ARMC5: variants seen among roughly 807,000 people sequenced by gnomAD.
The protein encoded by ARMC5 is armadillo repeat containing 5, also known as armadillo repeat-containing protein 5.
A neutral mutation model predicts 60.5 loss-of-function variants in ARMC5; 28 were observed. The observed-to-expected ratio is 0.46, with a 90% CI of 0.34 to 0.63. The LOEUF is 0.63. Among genes scored for constraint, ARMC5 ranks in the 30% least tolerant of loss-of-function variants. The pLI, the probability that ARMC5 is intolerant of heterozygous loss-of-function variation, is 0.01. For synonymous variants in ARMC5, 680 were observed against 607.3 expected (o/e 1.12, Z -1.76); for missense variants, 1,189 against 1,304.9 (o/e 0.91, Z 1.37).
intron 1 of ARMC5, among the ~76,000 whole-genome samples, chr16:31,460,540 A>G (rs2082295557): frequency 1.3e-5 from 2 of 152,260 alleles, no homozygotes; most frequent in Admixed American, 1.3e-4. Flanking sequence ...ATATGCAAAT[A>G]TTCTAAGCAT....
At position 31,459,704 on chromosome 16, in the gene ARMC5, C is replaced by T. The variant is rs1205941606; in HGVS notation, c.180C>T (p.Arg60=). Residue 60 remains arginine (R), a synonymous_variant, in exon 1 of 6, where the codon CGC becomes CGT. Coordinates refer to ENST00000268314, the MANE Select transcript of ARMC5 (RefSeq NM_001105247.2). The part of the protein sequence containing the change: ...RHIKAAGGIE[R]FRARGGLRPL... ...TCAAGGCAGCGGGGGGAATCGAGCGCTTCCGGGCACGCGGCGGGCTCCGCC... is the reference window on the plus strand; with the variant it reads ...TCAAGGCAGCGGGGGGAATCGAGCGTTTCCGGGCACGCGGCGGGCTCCGCC... The T allele has an allele frequency of 2.6e-6, 4 of 1,565,414 alleles. No homozygotes were observed. Among genetic ancestry groups the T allele is most frequent in the East Asian group, 2.4e-5 (1 of 42,538 alleles).
chr16:31,461,124 G>A (rs982257132), intron 1 of ARMC5, among the ~76,000 whole-genome samples: 8 of 152,128 alleles, frequency 5.3e-5, no homozygotes, highest in African/African-American at 1.9e-4. Flanking sequence ...CTTCCATTGT[G>A]TGCCCAGAGA....
upstream of ARMC5, chr16:31,458,960 G>A: frequency 6.5e-7 from 1 of 1,535,626 alleles, no homozygotes; most frequent in East Asian, 2.4e-5. Flanking sequence ...TCTAGGAAGC[G>A]GCAGCGAACG....
rs778440403 is a variant in ARMC5, at chr16:31,464,931, C to T, written c.1864+44C>T. The T allele has an allele frequency of 6.2e-7, 1 of 1,611,726 alleles. No homozygotes were observed. The highest frequency in any genetic ancestry group is 1.7e-5 in the Admixed American group (1 of 59,944). ...CCGTCTCCTTGCCCCCATGTGAGTC[C>T]CCATCCTCCCCCATGGCTTCCATGG... On this transcript the variant is annotated intron_variant, in intron 4 of 5. Coordinates refer to ENST00000268314, the MANE Select transcript of ARMC5 (RefSeq NM_001105247.2). The surrounding 1 kb of genome is among the most constrained non-coding windows in gnomAD (Gnocchi z 7.6).
chr16:31,463,914 A>G (rs1345393059), intron 3 of ARMC5, among the ~76,000 whole-genome samples: 2 of 152,148 alleles, frequency 1.3e-5, no homozygotes, highest in African/African-American at 4.8e-5. Context: ...TAATTACTGA[A>G]TGAGGTTTTA....
rs535587933 is a variant in ARMC5, at chr16:31,465,956, C to T, written c.1971C>T (p.Cys657=). The T allele has an allele frequency of 1.7e-5, 27 of 1,605,272 alleles. No individual in the cohort carries two copies. The highest frequency in any genetic ancestry group is 1.1e-4 in the South Asian group (10 of 91,060). Residue 657 remains cysteine, a synonymous_variant, in exon 5 of 6, where the codon TGC becomes TGT. Transcript: ENST00000268314. ...LSGSPEDRVA[C]ALTLPFICRK... ...GGAGCCCTGAGGACCGAGTGGCCTG[C>T]GCGCTGACCCTGCCCTTCATCTGCC...
At chr16:31,460,674 TG>T (rs781035454) in intron 1 of ARMC5, among the ~76,000 whole-genome samples, 12 of 152,088 alleles carry the variant, frequency 7.9e-5, no homozygotes, top group Non-Finnish European at 1.6e-4. Flanking sequence ...GAGGCTGCAG[TG>T]AACAATGACT....
At chr16:31,460,206 T>C (rs1398210866) in intron 1 of ARMC5, 1 of 542,344 alleles carries the variant, frequency 1.8e-6, no homozygotes, top group African/African-American at 2.0e-5. Context: ...CAGATAATTG[T>C]AGCCATTATC....
chr16:31,462,206 TC>T lies in ARMC5; in HGVS notation c.661del (p.Arg221ValfsTer34). On this transcript the variant is annotated frameshift_variant, in exon 3 of 6. Transcript: ENST00000268314. LOFTEE classifies it high-confidence loss of function. The surrounding 1 kb of genome is among the most constrained non-coding windows in gnomAD (Gnocchi z 7.2). Reference protein sequence around the residue: ...SQCLQSVVRALRNLADSPQHR... With the variant: ...SQCLQSVVRAXRNLADSPQHR... ...TGCCTACAGAGCGTGGTGCGTGCCC[TC>T]CGTAACCTGGCAGACTCACCCCAGC... 1 of 1,611,380 alleles carries T rather than the reference TC, an allele frequency of 6.2e-7. No homozygotes were observed. Among genetic ancestry groups the T allele is most frequent in the Non-Finnish European group, 8.5e-7 (1 of 1,179,986 alleles).
rs776708851 is a variant in ARMC5 at position 31,462,390 on chromosome 16, G to A, written c.843G>A (p.Gly281=). The A allele has an allele frequency of 6.2e-7, 1 of 1,609,390 alleles. No individual in the cohort carries two copies. The highest frequency in any genetic ancestry group is 8.5e-7 in the Non-Finnish European group (1 of 1,177,178). ...GTGCTGAGCAGCTAAGTCTGGGTGG[G>A]GGATTGGGCCCACTCGTCAGCCTGG... ...RACAEQLSLG[G]GLGPLVSLAS... is the part of the protein sequence containing the mutation. The change falls in exon 3 of 6, where the codon GGG becomes GGA. Residue 281 remains glycine, a synonymous_variant. Coordinates refer to ENST00000268314, the MANE Select transcript of ARMC5 (RefSeq NM_001105247.2). The surrounding 1 kb of genome is among the most constrained non-coding windows in gnomAD (Gnocchi z 7.2).
rs552657393 is a variant in ARMC5, at chr16:31,464,471, C to G, written c.1448C>G (p.Pro483Arg). 3.4e-5 allele frequency: 55 copies of G among 1,604,926 alleles called. No individual in the cohort carries two copies. The South Asian group carries it at 5.3e-4, about 16-fold the overall frequency. Residue 483 changes from proline (P) to arginine (R), a missense_variant, in exon 4 of 6, where the codon CCG (proline) becomes CGG (arginine). Physicochemically the swap from Pro to Arg is moderately radical, Grantham distance 103 (BLOSUM62 -2). Coordinates refer to ENST00000268314, the MANE Select transcript of ARMC5 (RefSeq NM_001105247.2). This position sits in a 1 kb window ranked among gnomAD's most constrained non-coding sequence, Gnocchi z 7.6. ...SPDWSPEQCP[P>R]EPMEPASPAP... ...GACTGGTCTCCTGAGCAGTGTCCGCCGGAGCCCATGGAGCCGGCCAGCCCC... is the reference window on the plus strand; with the variant it reads ...GACTGGTCTCCTGAGCAGTGTCCGCGGGAGCCCATGGAGCCGGCCAGCCCC...
chr16:31,461,643 G>A (rs2082304354), intron 1 of ARMC5, among the ~76,000 whole-genome samples: 1 of 152,182 alleles, frequency 6.6e-6, no homozygotes, highest in South Asian at 2.1e-4. Context: ...GGGTAGCTGG[G>A]ATTACAGGCG....
intron 1 of ARMC5, 147 bp downstream of exon 1, chr16:31,460,146 C>T: frequency 1.2e-6 from 1 of 850,668 alleles, no homozygotes; most frequent in Non-Finnish European, 1.8e-6. Flanking sequence ...ATCTGTTGTG[C>T]CCCGTGACGT....
upstream of ARMC5, chr16:31,458,908 G>A (rs911830610): frequency 6.8e-5 from 105 of 1,535,660 alleles, no homozygotes; most frequent in East Asian, 2.2e-3. Context: ...TCGGGACACC[G>A]GGGTCCAGCT....
chr16:31,459,583 C>A lies in ARMC5; in HGVS notation c.59C>A (p.Ala20Glu). 6.2e-7 allele frequency: 1 copy of A among 1,603,004 alleles called. No homozygotes were observed. Among genetic ancestry groups the A allele is most frequent in the Non-Finnish European group, 8.5e-7 (1 of 1,179,274 alleles). The change falls in exon 1 of 6, where the codon GCG becomes GAG. Residue 20 changes from alanine to glutamate, a missense_variant. Coordinates refer to ENST00000268314, the MANE Select transcript of ARMC5 (RefSeq NM_001105247.2). ...DSLSFCLAQL[A>E]AAAGEALGGE... is the part of the protein sequence containing the mutation. ...CTCTCGTTCTGCCTCGCGCAGCTCG[C>A]GGCGGCGGCCGGGGAGGCTCTGGGT...
Position 31,462,464 on chromosome 16 carries a change from C to G in ARMC5, c.917C>G (p.Ala306Gly). 1.2e-6 allele frequency: 2 copies of G among 1,612,562 alleles called. No homozygotes were observed. Among genetic ancestry groups the G allele is most frequent in the Non-Finnish European group, 1.7e-6 (2 of 1,179,680 alleles). ...AVREGTILIL[A>G]NLCAQGLIRP... ...CGCGAGGGAACCATTCTGATCCTCG[C>G]CAACCTGTGTGCCCAGGGCCTGATT... Residue 306 changes from alanine (A) to glycine (G), a missense_variant, in exon 3 of 6, where the codon GCC (alanine) becomes GGC (glycine). By Grantham distance (60) the Ala-to-Gly change is moderately conservative (BLOSUM62 0). Coordinates refer to ENST00000268314, the MANE Select transcript of ARMC5 (RefSeq NM_001105247.2). This position sits in a 1 kb window ranked among gnomAD's most constrained non-coding sequence, Gnocchi z 7.2.
intron 3 of ARMC5, among the ~76,000 whole-genome samples, chr16:31,463,573 AT>A (rs905518715): frequency 1.3e-5 from 2 of 151,364 alleles, no homozygotes; most frequent in Non-Finnish European, 1.5e-5. Flanking sequence ...GGAACTCTTT[AT>A]TTTTTTTTAA....
chr16:31,466,136 T>C lies in ARMC5; in HGVS notation c.2055T>C (p.Leu685=). The C allele has an allele frequency of 4.4e-6, 7 of 1,605,154 alleles. No individual in the cohort carries two copies. Among genetic ancestry groups the C allele is most frequent in the Non-Finnish European group, 5.9e-6 (7 of 1,179,706 alleles). ...LLEQGGLRLL[L]AALTRPAPHP... ...AGCAGGGTGGTCTCCGGCTCCTCCT[T>C]GCGGCGCTGACCCGGCCGGCCCCAC... is the stretch of plus-strand genomic sequence containing the variant. The change falls in exon 6 of 6, where the codon CTT becomes CTC. Residue 685 remains leucine, a synonymous_variant. Coordinates refer to ENST00000268314, the MANE Select transcript of ARMC5 (RefSeq NM_001105247.2). This position sits in a 1 kb window ranked among gnomAD's most constrained non-coding sequence, Gnocchi z 8.0.
At chr16:31,465,208 C>T in intron 4 of ARMC5, 1 of 1,564,766 alleles carries the variant, frequency 6.4e-7, no homozygotes, top group Non-Finnish European at 8.7e-7. Context: ...CTGACTGCTC[C>T]CCACCAGCAC....
Sources: gnomAD v4.1 joint callset for allele counts (sites outside exome capture counted in the v4.1 genomes callset) on GRCh38, gnomAD v4.1.1 for gene constraint, Gnocchi (gnomAD v3.1) non-coding constraint, MANE v1.5 for transcripts, NCBI Gene and HGNC (gene_info 2026-07-23, HGNC 2026-07-21) for gene names.